The following STK32B variants were observed in gnomAD, a reference collection of about 807,000 sequenced individuals.
The protein encoded by STK32B is serine/threonine kinase 32B, also known as serine/threonine-protein kinase 32B.
STK32B carries 43 observed loss-of-function variants against 52.6 expected under a neutral mutation model. The ratio of observed to expected loss-of-function variants is 0.82; its 90% CI spans 0.64 to 1.05. STK32B has a LOEUF of 1.05. Ranked by LOEUF, STK32B falls within the 50% of genes least tolerant of loss-of-function variation. The pLI is 0.00. For missense variants in STK32B, 621 were observed against 534.6 expected, an observed-to-expected ratio of 1.16 and a Z score of -1.59; for synonymous variants, 238 against 204.3, an observed-to-expected ratio of 1.17 and a Z score of -1.41.
At chr4:5,101,734 T>C (rs1428622043) in intron 1 of STK32B, among the ~76,000 whole-genome samples, 1 of 152,234 alleles carries the variant, frequency 6.6e-6, no homozygotes, top group East Asian at 1.9e-4. Flanking sequence ...AGCTGTGTGA[T>C]GACAAAACCG....
rs181668288 is a variant in STK32B at position 5,269,487 on chromosome 4, G to T, written c.261-61733G>T. 2.6e-5 allele frequency among the ~76,000 whole-genome samples: 4 copies of T among 152,250 alleles called. No individual in the cohort carries two copies. In the East Asian group the frequency reaches 7.7e-4, roughly 29 times the overall value. On this transcript the variant is annotated intron_variant, in intron 3 of 11. Transcript: ENST00000282908. Reference sequence around the variant, plus strand: ...AAAAAGGTAATATATACAGTGTTTGGCATGCATAGAAGCAAGGCAGTGTGA... The same window carrying T: ...AAAAAGGTAATATATACAGTGTTTGTCATGCATAGAAGCAAGGCAGTGTGA...
intron 6 of STK32B, among the ~76,000 whole-genome samples, chr4:5,444,062 G>A (rs1439381277): frequency 1.3e-5 from 2 of 152,176 alleles, no homozygotes; most frequent in Admixed American, 6.5e-5. Flanking sequence ...TTGTTTGTCT[G>A]TGCCCTGCCC....
rs1006363484 is a variant in STK32B at position 5,059,053 on chromosome 4, T to C, written c.52+7138T>C. Among the ~76,000 whole-genome samples, 12 of 62,176 alleles carry C rather than the reference T, an allele frequency of 1.9e-4. 1 individual carries two copies. In the East Asian group the frequency reaches 3.3e-3, roughly 17 times the overall value. The allele number at this position is 62,176 out of a possible 152,430, so 40.8% of individuals were successfully genotyped here. On this transcript the variant is annotated intron_variant, in intron 1 of 11. Coordinates refer to ENST00000282908, the MANE Select transcript of STK32B (RefSeq NM_018401.3). Reference sequence around the variant, plus strand: ...GGCGTGAGCCACCACGCCCAGCTGCTTTTTTTTTTTTTTTTTTTTTTTTTT... The same window carrying C: ...GGCGTGAGCCACCACGCCCAGCTGCCTTTTTTTTTTTTTTTTTTTTTTTTT...
At chr4:5,485,577 T>C (rs987975104) in intron 11 of STK32B, among the ~76,000 whole-genome samples, 25 of 152,214 alleles carry the variant, frequency 1.6e-4, no homozygotes, top group Non-Finnish European at 1.5e-5. Context: ...GAAGCCTTCT[T>C]CTCTCAACTT....
intron 4 of STK32B, among the ~76,000 whole-genome samples, chr4:5,385,372 C>T (rs919998297): frequency 7.9e-5 from 12 of 151,184 alleles, no homozygotes; most frequent in Middle Eastern, 6.8e-3. Flanking sequence ...AGAGTGGCTT[C>T]GAAGCCCCGT....
intron 4 of STK32B, among the ~76,000 whole-genome samples, chr4:5,358,084 G>T (rs2108994512): frequency 6.6e-6 from 1 of 152,300 alleles, no homozygotes; most frequent in South Asian, 2.1e-4. Flanking sequence ...AGCATTTTGA[G>T]AATTTATGGT....
chr4:5,381,945 T>C (rs139044286), intron 4 of STK32B, among the ~76,000 whole-genome samples: 240 of 152,218 alleles, frequency 1.6e-3, no homozygotes, highest in African/African-American at 5.5e-3. Context: ...CATGGAGGTA[T>C]AAGTTCAAAA....
chr4:5,351,840 A>G (rs1022297626), intron 4 of STK32B, among the ~76,000 whole-genome samples: 8 of 152,060 alleles, frequency 5.3e-5, no homozygotes, highest in Non-Finnish European at 1.2e-4. Context: ...GCACTAACAA[A>G]CTAAAAAACC....
chr4:5,495,711 C>CCCCA (rs535344511), intron 11 of STK32B, among the ~76,000 whole-genome samples: 123 of 152,232 alleles, frequency 8.1e-4, no homozygotes, highest in African/African-American at 2.8e-3. Flanking sequence ...GTGGTTTTAT[C>CCCCA]TACTTTTGGT....
intron 4 of STK32B, among the ~76,000 whole-genome samples, chr4:5,346,240 A>C (rs944544674): frequency 3.7e-4 from 56 of 152,324 alleles, no homozygotes; most frequent in African/African-American, 1.3e-3. Context: ...AATTATACCA[A>C]GTAGCAAGTG....
At chr4:5,319,338 C>G (rs1731331403) in intron 3 of STK32B, among the ~76,000 whole-genome samples, 1 of 152,168 alleles carries the variant, frequency 6.6e-6, no homozygotes, top group Non-Finnish European at 1.5e-5. Context: ...ACCAATGAAG[C>G]AATATTGCCT....
intron 2 of STK32B, among the ~76,000 whole-genome samples, chr4:5,153,516 A>C (rs1717544882): frequency 6.6e-6 from 1 of 151,922 alleles, no homozygotes; most frequent in Admixed American, 6.6e-5. Context: ...GTGGAAAAAA[A>C]AAGCTCTAAA....
chr4:5,339,309 C>G (rs960011370), intron 4 of STK32B, among the ~76,000 whole-genome samples: 1 of 152,146 alleles, frequency 6.6e-6, no homozygotes, highest in Non-Finnish European at 1.5e-5. Flanking sequence ...TATCTATATT[C>G]TATTTCTTTT....
At chr4:5,097,246 G>T (rs937238653) in intron 1 of STK32B, among the ~76,000 whole-genome samples, 2 of 152,184 alleles carry the variant, frequency 1.3e-5, no homozygotes, top group Non-Finnish European at 2.9e-5. Flanking sequence ...AATGGATGTG[G>T]ACATGCTTCA....
intron 11 of STK32B, among the ~76,000 whole-genome samples, chr4:5,496,895 A>G (rs773217628): frequency 6.6e-6 from 1 of 152,132 alleles, no homozygotes; most frequent in Non-Finnish European, 1.5e-5. Flanking sequence ...ATGTCAGACT[A>G]GCTAAGGAGT....
chr4:5,414,867 A>G (rs1355885220), intron 5 of STK32B, among the ~76,000 whole-genome samples: 1 of 152,242 alleles, frequency 6.6e-6, no homozygotes, highest in Non-Finnish European at 1.5e-5. Context: ...ATGAGCTGGC[A>G]TCACTTTCAT....
intron 6 of STK32B, among the ~76,000 whole-genome samples, chr4:5,420,616 A>G (rs1712546562): frequency 6.6e-6 from 1 of 152,100 alleles, no homozygotes; most frequent in African/African-American, 2.4e-5. Context: ...ACAGCCATGG[A>G]AGTGGACAGG....
rs1222905432 is a variant in STK32B, at chr4:5,446,659, C to T, written c.563-14C>T. ...GGATACACAATGATGTTCTCCTTGT[C>T]CTCTCGTTGGCAGCTCCAGAAGTAT... On this transcript the variant is annotated splice_polypyrimidine_tract_variant and intron_variant, in intron 6 of 11. Transcript: ENST00000282908. The T allele has an allele frequency of 6.2e-7, 1 of 1,612,618 alleles. No homozygotes were observed. The highest frequency in any genetic ancestry group is 8.5e-7 in the Non-Finnish European group (1 of 1,178,868).
chr4:5,269,718 A>G (rs1212821461), intron 3 of STK32B, among the ~76,000 whole-genome samples: 1 of 152,220 alleles, frequency 6.6e-6, no homozygotes, highest in East Asian at 1.9e-4. Flanking sequence ...AGCATATTAC[A>G]TATTATAGAA....
Sources: gnomAD v4.1 joint callset for allele counts (sites outside exome capture counted in the v4.1 genomes callset) on GRCh38, gnomAD v4.1.1 for gene constraint, MANE v1.5 for transcripts, NCBI Gene and HGNC (gene_info 2026-07-23, HGNC 2026-07-21) for gene names.